RBFOX1: variants seen among roughly 807,000 people sequenced by gnomAD.
The protein encoded by RBFOX1 is RNA binding protein fox-1 homolog 1.
RBFOX1 carries 8 observed loss-of-function variants against 57.7 expected under a neutral mutation model. That is an observed-to-expected ratio of 0.14 (90% CI 0.08 to 0.25). The LOEUF (loss-of-function observed/expected upper bound fraction) is 0.25, where lower values mean the gene tolerates loss of function less well. RBFOX1 is among the 10% of genes least tolerant of loss of function. The probability of loss-of-function intolerance (pLI) is 1.00; values close to 1 mark genes in which losing one functional copy is unlikely to be tolerated. For missense variants in RBFOX1, 611 were observed against 548.5 expected, an observed-to-expected ratio of 1.11 and a Z score of -1.14; for synonymous variants, 326 against 222.4, an observed-to-expected ratio of 1.47 and a Z score of -4.15.
chr16:7,015,768 TC>T (rs2093880072), intron 3 of RBFOX1, among the ~76,000 whole-genome samples: 1 of 152,170 alleles, frequency 6.6e-6, no homozygotes, highest in Non-Finnish European at 1.5e-5. Flanking sequence ...TCTTTTTTTT[TC>T]TTAAAGATTT....
chr16:5,544,389 A>C (rs1412026311), intron 2 of RBFOX1, among the ~76,000 whole-genome samples: 1 of 152,200 alleles, frequency 6.6e-6, no homozygotes, highest in Non-Finnish European at 1.5e-5. Flanking sequence ...AAATGAAAAC[A>C]CAACATATCA....
chr16:5,624,882 T>C (rs2048303851), intron 3 of RBFOX1, among the ~76,000 whole-genome samples: 1 of 152,128 alleles, frequency 6.6e-6, no homozygotes, highest in Non-Finnish European at 1.5e-5. Context: ...AGAGGGGCTG[T>C]TTGACCACTT....
chr16:7,167,209 C>T (rs909572561), intron 4 of RBFOX1, among the ~76,000 whole-genome samples: 2 of 151,612 alleles, frequency 1.3e-5, no homozygotes, highest in East Asian at 1.9e-4. Flanking sequence ...TGGTCTCAAA[C>T]TCCTGACCTT....
rs1461502844 is a variant in RBFOX1 at position 7,293,683 on chromosome 16, G to A, written c.28-224464G>A. Among the ~76,000 whole-genome samples, 5 of 152,252 alleles carry A rather than the reference G, an allele frequency of 3.3e-5. No homozygotes were observed. The East Asian group carries it at 7.7e-4, about 24-fold the overall frequency. ...GAATCCTAGAGATTGTCTGTTTGCC[G>A]AGGTGAGATTTTTGAGAGCCAGGAA... On this transcript the variant is annotated intron_variant, in intron 4 of 15. Coordinates refer to ENST00000550418, the MANE Select transcript of RBFOX1 (RefSeq NM_018723.4).
intron 3 of RBFOX1, among the ~76,000 whole-genome samples, chr16:5,757,430 C>G (rs1023152572): frequency 2.0e-4 from 31 of 151,876 alleles, no homozygotes; most frequent in African/African-American, 7.3e-4. Context: ...CGGGGTTTCA[C>G]CATTTTGGCC....
chr16:6,130,353 G>C (rs1277097640), intron 1 of RBFOX1, among the ~76,000 whole-genome samples: 2 of 151,992 alleles, frequency 1.3e-5, no homozygotes, highest in Non-Finnish European at 2.9e-5. Context: ...ATAAGTTATG[G>C]ATACATATTG....
At position 5,842,988 on chromosome 16, in the gene RBFOX1, G is replaced by GT. The variant is rs530365426; in HGVS notation, c.319-24308dup. Among the ~76,000 whole-genome samples the GT allele has an allele frequency of 6.3e-4, 96 of 151,776 alleles. 1 individual carries two copies. The South Asian group carries it at 0.014, about 22-fold the overall frequency. ...CATGTGCTAGCATGTCTGGCTAATT[G>GT]TTTTTTTCTTTTTTTTCTTTAGTAG... On this transcript the variant is annotated intron_variant, in intron 3 of 19. Transcript: ENST00000641259.
rs901062594 is a variant in RBFOX1, at chr16:7,096,331, A to G, written c.27+44233A>G. 1.3e-5 allele frequency among the ~76,000 whole-genome samples: 2 copies of G among 152,176 alleles called. 1 individual carries two copies. The stretch of plus-strand genomic sequence containing the variant: ...CAGGCAGTCAGAACCAGGTGGATGC[A>G]GATCATCTCACCATGTCATGGAAAC... On this transcript the variant is annotated intron_variant, in intron 4 of 15. Coordinates refer to ENST00000550418, the MANE Select transcript of RBFOX1 (RefSeq NM_018723.4).
intron 3 of RBFOX1, among the ~76,000 whole-genome samples, chr16:7,049,592 C>A (rs7192745): frequency 6.6e-6 from 1 of 152,028 alleles, no homozygotes; most frequent in Non-Finnish European, 1.5e-5. Context: ...GATTTTCAGC[C>A]CTTGGCTACC....
At chr16:7,298,029 T>G (rs1463996556) in intron 4 of RBFOX1, among the ~76,000 whole-genome samples, 1 of 152,226 alleles carries the variant, frequency 6.6e-6, no homozygotes, top group Non-Finnish European at 1.5e-5. Flanking sequence ...TGTTTTGGTT[T>G]GATTTTTCAC....
intron 1 of RBFOX1, among the ~76,000 whole-genome samples, chr16:6,219,070 C>G (rs1016097045): frequency 1.3e-5 from 2 of 152,126 alleles, no homozygotes; most frequent in African/African-American, 4.8e-5. Flanking sequence ...GATACCGAGT[C>G]ATTAAGAGGG....
At chr16:6,386,333 C>T (rs911712981) in intron 2 of RBFOX1, among the ~76,000 whole-genome samples, 1 of 151,950 alleles carries the variant, frequency 6.6e-6, no homozygotes, top group Non-Finnish European at 1.5e-5. Flanking sequence ...CCGTAAAGGT[C>T]ATGTTTACAT....
intron 3 of RBFOX1, among the ~76,000 whole-genome samples, chr16:6,823,597 C>A (rs1396217154): frequency 6.6e-6 from 1 of 152,114 alleles, no homozygotes; most frequent in Non-Finnish European, 1.5e-5. Flanking sequence ...TATCTTCTTC[C>A]TTCCTTGAAT....
intron 2 of RBFOX1, among the ~76,000 whole-genome samples, chr16:6,422,699 C>T (rs998526241): frequency 2.5e-4 from 38 of 152,090 alleles, no homozygotes; most frequent in African/African-American, 8.7e-4. Flanking sequence ...TTTAAACAAC[C>T]GGATCTCAGG....
chr16:5,371,709 G>A (rs776487275), intron 1 of RBFOX1, among the ~76,000 whole-genome samples: 33 of 152,200 alleles, frequency 2.2e-4, no homozygotes, highest in Non-Finnish European at 4.3e-4. Flanking sequence ...TTGGTAATAA[G>A]CCCTGCTGGC....
chr16:7,574,764 T>G (rs988302021), intron 5 of RBFOX1, among the ~76,000 whole-genome samples: 6 of 152,128 alleles, frequency 3.9e-5, no homozygotes, highest in Non-Finnish European at 7.3e-5. Context: ...CTTTGCATCC[T>G]TCAATCCAAT....
intron 3 of RBFOX1, among the ~76,000 whole-genome samples, chr16:6,857,995 A>G (rs902590486): frequency 1.3e-5 from 2 of 152,198 alleles, no homozygotes; most frequent in Non-Finnish European, 2.9e-5. Flanking sequence ...GGGAGATTCT[A>G]AACCAGCATA....
chr16:5,762,100 C>A (rs966430663), intron 3 of RBFOX1, among the ~76,000 whole-genome samples: 1 of 152,114 alleles, frequency 6.6e-6, no homozygotes, highest in Admixed American at 6.5e-5. Flanking sequence ...ATGAATTTTC[C>A]TGCAAAACCA....
intron 3 of RBFOX1, among the ~76,000 whole-genome samples, chr16:5,661,920 G>A (rs903509810): frequency 1.3e-5 from 2 of 152,050 alleles, no homozygotes; most frequent in Admixed American, 1.3e-4. Context: ...CGAGTCGCTG[G>A]GACTACAGGC....
Sources: gnomAD v4.1 joint callset for allele counts (sites outside exome capture counted in the v4.1 genomes callset) on GRCh38, gnomAD v4.1.1 for gene constraint, MANE v1.5 for transcripts, NCBI Gene and HGNC (gene_info 2026-07-23, HGNC 2026-07-21) for gene names.